The following AGBL4 variants were observed in gnomAD, a reference collection of about 807,000 sequenced individuals.
AGBL4 encodes AGBL carboxypeptidase 4.
A neutral mutation model predicts 66.4 loss-of-function variants in AGBL4; 58 were observed. That is an observed-to-expected ratio of 0.87 (90% confidence interval 0.71 to 1.09). The LOEUF is 1.09. AGBL4 is among the 50% of genes least tolerant of loss of function. AGBL4 has a pLI of 0.00. For missense variants in AGBL4, 579 were observed against 631.0 expected (o/e 0.92, Z 0.88); for synonymous variants, 234 against 222.9 (o/e 1.05, Z -0.44).
At chr1:49,848,276 C>T (rs1646207310) in intron 2 of AGBL4, among the ~76,000 whole-genome samples, 1 of 152,046 alleles carries the variant, frequency 6.6e-6, no homozygotes, top group Admixed American at 6.5e-5. Flanking sequence ...TTTCTAAGAA[C>T]TAAAAATAGA....
At chr1:49,440,712 A>C (rs1646008804) in intron 3 of AGBL4, among the ~76,000 whole-genome samples, 1 of 152,144 alleles carries the variant, frequency 6.6e-6, no homozygotes, top group Non-Finnish European at 1.5e-5. Flanking sequence ...TTATGGAAAA[A>C]CAGACACAAG....
chr1:48,693,197 C>G (rs759200498), intron 6 of AGBL4, among the ~76,000 whole-genome samples: 5 of 152,182 alleles, frequency 3.3e-5, no homozygotes, highest in African/African-American at 1.2e-4. Flanking sequence ...AGCAAGTCCC[C>G]GGACCCTGGG....
At chr1:49,379,254 T>A (rs528605666) in intron 3 of AGBL4, among the ~76,000 whole-genome samples, 14 of 152,258 alleles carry the variant, frequency 9.2e-5, no homozygotes, top group African/African-American at 3.4e-4. Context: ...TTTCTTTCTC[T>A]TGGGAAACTA....
At chr1:48,809,900 G>A (rs563351699) in intron 6 of AGBL4, among the ~76,000 whole-genome samples, 2 of 152,154 alleles carry the variant, frequency 1.3e-5, no homozygotes, top group East Asian at 3.9e-4. Flanking sequence ...GTTTTATTCT[G>A]GGTGCATGAG....
In AGBL4 at chr1:48,634,574, A is replaced by T; in HGVS notation, c.870T>A (p.Arg290=). The change falls in exon 9 of 14, where the codon CGT becomes CGA. Residue 290 remains arginine, a synonymous_variant. Transcript: ENST00000371839. ...RCSLMGFDLN[R]HWLDPSPWVH... ...CCCATGGAGAGGGATCCAGCCAGTG[A>T]CGATTCAGATCAAATCCCATCAGAG... The T allele has an allele frequency of 1.2e-6, 2 of 1,604,966 alleles. No homozygotes were observed. The highest frequency in any genetic ancestry group is 4.5e-5 in the East Asian group (2 of 44,526).
intron 2 of AGBL4, among the ~76,000 whole-genome samples, chr1:49,846,944 G>A (rs551152304): frequency 6.6e-6 from 1 of 152,242 alleles, no homozygotes; most frequent in African/African-American, 2.4e-5. Flanking sequence ...AATTCATATT[G>A]TACCCAAAGG....
intron 1 of AGBL4, among the ~76,000 whole-genome samples, chr1:50,021,538 C>T (rs1277937878): frequency 6.6e-6 from 1 of 152,172 alleles, no homozygotes; most frequent in Non-Finnish European, 1.5e-5. Flanking sequence ...CACTAACTAT[C>T]CAGTTGAACA....
At chr1:49,627,389 A>C (rs948823744) in intron 3 of AGBL4, among the ~76,000 whole-genome samples, 4 of 152,146 alleles carry the variant, frequency 2.6e-5, no homozygotes, top group Non-Finnish European at 5.9e-5. Context: ...ATGAGACATC[A>C]ATATGTCTCA....
intron 3 of AGBL4, among the ~76,000 whole-genome samples, chr1:49,504,762 A>T (rs923524513): frequency 1.6e-4 from 24 of 152,018 alleles, no homozygotes; most frequent in Admixed American, 6.6e-5. Flanking sequence ...TTATAGGCAG[A>T]ATATACTTGG....
In AGBL4 at chr1:49,693,761, T is replaced by C. The variant is rs532542502; in HGVS notation, c.282+3552A>G. On this transcript the variant is annotated intron_variant, in intron 3 of 13. Transcript: ENST00000371839. Reference sequence around the variant, plus strand: ...ATAGAGCTTAATCAATCCAAGCATATCATTTTATTTTCTCTTATTGGCTGA... The same window carrying C: ...ATAGAGCTTAATCAATCCAAGCATACCATTTTATTTTCTCTTATTGGCTGA... Among the ~76,000 whole-genome samples the C allele has an allele frequency of 2.0e-5, 3 of 152,208 alleles. No homozygotes were observed. The East Asian group carries it at 5.8e-4, about 29-fold the overall frequency.
At chr1:49,610,416 C>T (rs989084217) in intron 3 of AGBL4, among the ~76,000 whole-genome samples, 1 of 152,184 alleles carries the variant, frequency 6.6e-6, no homozygotes, top group Admixed American at 6.5e-5. Flanking sequence ...AACTCTTGAG[C>T]TGTGTCCTGA....
At chr1:48,773,220 TAGGCACAGAGA>T (rs1570624575) in intron 6 of AGBL4, among the ~76,000 whole-genome samples, 1 of 151,998 alleles carries the variant, frequency 6.6e-6, no homozygotes, top group East Asian at 1.9e-4. Flanking sequence ...TTTAGGGCTC[TAGGCACAGAGA>T]AACCAGTTTG....
At chr1:48,740,320 AG>A (rs1346057938) in intron 6 of AGBL4, among the ~76,000 whole-genome samples, 2 of 152,192 alleles carry the variant, frequency 1.3e-5, no homozygotes, top group African/African-American at 4.8e-5. Context: ...GGGAACCAGG[AG>A]GTCTGGCTTT....
chr1:49,723,582 A>T (rs1648772233), intron 2 of AGBL4, among the ~76,000 whole-genome samples: 1 of 152,130 alleles, frequency 6.6e-6, no homozygotes, highest in Non-Finnish European at 1.5e-5. Context: ...CACAGTTATG[A>T]GCCCTCTCAC....
intron 3 of AGBL4, among the ~76,000 whole-genome samples, chr1:49,632,172 A>G (rs1243029709): frequency 6.6e-6 from 1 of 152,206 alleles, no homozygotes; most frequent in East Asian, 1.9e-4. Flanking sequence ...TTTAGGGTTG[A>G]GAGAGTTTGC....
chr1:48,836,463 G>A (rs531674760), intron 6 of AGBL4, among the ~76,000 whole-genome samples: 105 of 152,008 alleles, frequency 6.9e-4, no homozygotes, highest in African/African-American at 2.4e-3. Flanking sequence ...ACATACTTGC[G>A]GGAATGATAC....
chr1:49,747,634 ATTT>A (rs1273771456), intron 2 of AGBL4, among the ~76,000 whole-genome samples: 1 of 152,028 alleles, frequency 6.6e-6, no homozygotes, highest in Non-Finnish European at 1.5e-5. Context: ...ATCTTCTAAA[ATTT>A]TTCATCTCTT....
At chr1:49,474,670 TA>T (rs941019427) in intron 3 of AGBL4, among the ~76,000 whole-genome samples, 4 of 151,948 alleles carry the variant, frequency 2.6e-5, no homozygotes, top group Non-Finnish European at 4.4e-5. Flanking sequence ...CTGAACTATT[TA>T]AAAAAATAGC....
intron 3 of AGBL4, among the ~76,000 whole-genome samples, chr1:49,281,269 TA>T (rs975155795): frequency 1.3e-5 from 2 of 152,144 alleles, no homozygotes; most frequent in African/African-American, 4.8e-5. Context: ...ACGAAAAAAT[TA>T]ATTACTCACA....
Sources: allele counts gnomAD v4.1 joint callset (sites outside exome capture counted in the v4.1 genomes callset), GRCh38; gene constraint gnomAD v4.1.1; transcripts MANE v1.5; gene names NCBI Gene and HGNC (gene_info 2026-07-23, HGNC 2026-07-21).